FREM2: variants seen among roughly 807,000 people sequenced by gnomAD.
The protein encoded by FREM2 is FRAS1-related extracellular matrix protein 2.
A neutral mutation model predicts 219.9 loss-of-function variants in FREM2; 119 were observed. That is an observed-to-expected ratio of 0.54 (90% confidence interval 0.47 to 0.63). The LOEUF is 0.63. Ranked by LOEUF, FREM2 falls within the 30% of genes least tolerant of loss-of-function variation. The pLI is 0.00. For missense variants in FREM2, 4,030 were observed against 3,993.6 expected, an observed-to-expected ratio of 1.01 and a Z score of -0.25; for synonymous variants, 1,562 against 1,522.8, an observed-to-expected ratio of 1.03 and a Z score of -0.60.
intron 12 of FREM2, among the ~76,000 whole-genome samples, chr13:38,856,540 ATGATTCAT>A (rs1178876082): frequency 6.6e-6 from 1 of 152,126 alleles, no homozygotes; most frequent in Non-Finnish European, 1.5e-5. Flanking sequence ...TCAGTCAGTA[ATGATTCAT>A]TGACCTTGGG....
intron 2 of FREM2, among the ~76,000 whole-genome samples, chr13:38,761,228 A>G (rs1049583518): frequency 1.3e-5 from 2 of 152,226 alleles, no homozygotes; most frequent in East Asian, 1.9e-4. Flanking sequence ...TTTAAGGGGA[A>G]GTGATAGGAT....
chr13:38,766,887 G>T, intron 3 of FREM2, among the ~76,000 whole-genome samples: 1 of 152,024 alleles, frequency 6.6e-6, no homozygotes. Context: ...ATTTTATTGA[G>T]TACTCATTAC....
rs545660543 is a variant in FREM2, at chr13:38,766,390, G to T, written c.5410+1940G>T. On this transcript the variant is annotated intron_variant, in intron 3 of 23. Coordinates refer to ENST00000280481, the MANE Select transcript of FREM2 (RefSeq NM_207361.6). ...ACATGGTTACTTAGTAACCTGGGGT[G>T]ATAGAAAATTGGGAAGCCTTCTGTG... 1.1e-3 allele frequency among the ~76,000 whole-genome samples: 174 copies of T among 152,246 alleles called. 1 individual carries two copies. The highest frequency in any genetic ancestry group is 4.1e-3 in the African/African-American group (171 of 41,552).
chr13:38,791,969 G>T (rs1874580789), intron 6 of FREM2, among the ~76,000 whole-genome samples: 1 of 152,034 alleles, frequency 6.6e-6, no homozygotes, highest in African/African-American at 2.4e-5. Context: ...CATTTAATGG[G>T]AAGTCCTTAT....
At chr13:38,856,687 C>T (rs893046119) in intron 12 of FREM2, among the ~76,000 whole-genome samples, 3 of 146,240 alleles carry the variant, frequency 2.1e-5, no homozygotes, top group Non-Finnish European at 4.4e-5. Flanking sequence ...TCTGTTTCTC[C>T]TGGCTTTATC....
At chr13:38,783,473 T>TA (rs141521145) in intron 5 of FREM2, among the ~76,000 whole-genome samples, 295 of 123,870 alleles carry the variant, frequency 2.4e-3, no homozygotes, top group Middle Eastern at 8.5e-3. Flanking sequence ...GGTTACTATA[T>TA]AAAAAAAAAA....
rs1878599625 is a variant in FREM2, at chr13:38,882,995, C to G, written c.*2208C>G. 1 of 152,122 alleles carries G rather than the reference C, an allele frequency of 6.6e-6. No homozygotes were observed. The highest frequency in any genetic ancestry group is 1.5e-5 in the Non-Finnish European group (1 of 67,998). The allele number at this position is 152,122 out of a possible 1,614,324, so 9.4% of individuals were successfully genotyped here. On this transcript the variant is annotated 3_prime_UTR_variant, in exon 24 of 24. Coordinates refer to ENST00000280481, the MANE Select transcript of FREM2 (RefSeq NM_207361.6). ...CAAGCTGGTTTTATACCAAATTTCA[C>G]TCTACAATGCATATTCTAATGAAGC...
rs1874263669 is a variant in FREM2 at position 38,784,825 on chromosome 13, T to G, written c.6019+17T>G. ...AAGATGATGGTGAGTACTAATTTAC[T>G]TGAAAATTCTTTTTCCCGGGAAGAT... On this transcript the variant is annotated intron_variant, in intron 6 of 23. Transcript: ENST00000280481. 1.9e-6 allele frequency: 3 copies of G among 1,613,226 alleles called. No homozygotes were observed. The highest frequency in any genetic ancestry group is 1.7e-5 in the Admixed American group (1 of 59,984).
chr13:38,769,600 T>C lies in FREM2; in HGVS notation c.5433T>C (p.Thr1811=). 6 of 1,614,060 alleles carry C rather than the reference T, an allele frequency of 3.7e-6. 1 individual carries two copies. Among genetic ancestry groups the C allele is most frequent in the Admixed American group, 1.7e-5 (1 of 60,010 alleles). Residue 1811 remains threonine (T), a synonymous_variant, in exon 4 of 24, where the codon ACT becomes ACC. Coordinates refer to ENST00000280481, the MANE Select transcript of FREM2 (RefSeq NM_207361.6). The part of the protein sequence containing the change: ...SFISIGTRDR[T]AEKDKDFKGK... ...AAGGTATTGGCACAAGAGACAGAAC[T>C]GCAGAAAAAGACAAAGACTTCAAGG...
intron 6 of FREM2, among the ~76,000 whole-genome samples, chr13:38,823,394 G>A (rs974134529): frequency 6.6e-6 from 1 of 151,408 alleles, no homozygotes; most frequent in Non-Finnish European, 1.5e-5. Flanking sequence ...TTTTAACACT[G>A]AGCACACCTC....
chr13:38,702,427 C>G (rs1870378374), intron 2 of FREM2, among the ~76,000 whole-genome samples: 1 of 152,104 alleles, frequency 6.6e-6, no homozygotes, highest in Non-Finnish European at 1.5e-5. Context: ...TCAGTTACCC[C>G]AGTATTTTCT....
chr13:38,802,371 G>A lies in FREM2; in HGVS notation c.6019+17563G>A, dbSNP rs146081350. On this transcript the variant is annotated intron_variant, in intron 6 of 23. Coordinates refer to ENST00000280481, the MANE Select transcript of FREM2 (RefSeq NM_207361.6). ...TGCTTGGCCTCTTCTCTCCTTTTTT[G>A]GCCCAGCAGCAGCAGTGGCAACATC... 1.8e-3 allele frequency among the ~76,000 whole-genome samples: 278 copies of A among 152,096 alleles called. 2 individuals carry two copies. Among genetic ancestry groups the A allele is most frequent in the African/African-American group, 6.4e-3 (267 of 41,510 alleles).
intron 4 of FREM2, among the ~76,000 whole-genome samples, chr13:38,778,381 C>T (rs539045705): frequency 3.4e-3 from 514 of 152,256 alleles, no homozygotes; most frequent in Non-Finnish European, 6.1e-3. Flanking sequence ...CTTCAAAAGA[C>T]GTTTCCTTGG....
chr13:38,747,688 T>C (rs542434620), intron 2 of FREM2, among the ~76,000 whole-genome samples: 3 of 152,292 alleles, frequency 2.0e-5, no homozygotes, highest in African/African-American at 7.2e-5. Flanking sequence ...CTCAGAATTG[T>C]CTATCAGCTT....
chr13:38,765,369 C>A (rs1474106408), intron 3 of FREM2, among the ~76,000 whole-genome samples: 1 of 152,130 alleles, frequency 6.6e-6, no homozygotes, highest in Admixed American at 6.5e-5. Context: ...ATTTTATAGA[C>A]ATCTAGACCA....
chr13:38,839,351 C>T (rs906255740), intron 6 of FREM2, among the ~76,000 whole-genome samples: 3 of 152,206 alleles, frequency 2.0e-5, no homozygotes, highest in Admixed American at 1.3e-4. Context: ...CCCAGAGGGG[C>T]ACCCGCCACA....
At chr13:38,781,964 C>T (rs981157395) in intron 4 of FREM2, among the ~76,000 whole-genome samples, 6 of 152,122 alleles carry the variant, frequency 3.9e-5, no homozygotes, top group East Asian at 1.9e-4. Flanking sequence ...AGGGAATAAA[C>T]GCCTGGCCCA....
chr13:38,855,243 A>G (rs1017748926), intron 11 of FREM2, among the ~76,000 whole-genome samples: 4 of 152,196 alleles, frequency 2.6e-5, no homozygotes, highest in Admixed American at 1.3e-4. Flanking sequence ...ATTTATCTAA[A>G]ATAACTTGTC....
At chr13:38,750,205 C>T (rs1394302211) in intron 2 of FREM2, among the ~76,000 whole-genome samples, 1 of 152,160 alleles carries the variant, frequency 6.6e-6, no homozygotes, top group Non-Finnish European at 1.5e-5. Flanking sequence ...ACCCAAACCT[C>T]ATCTTGTAGC....
Sources: gnomAD v4.1 joint callset for allele counts (sites outside exome capture counted in the v4.1 genomes callset) on GRCh38, gnomAD v4.1.1 for gene constraint, MANE v1.5 for transcripts, NCBI Gene and HGNC (gene_info 2026-07-23, HGNC 2026-07-21) for gene names.